Variants in RAB38 observed in about 807,000 individuals in gnomAD.
RAB38 encodes the protein ras-related protein Rab-38.
RAB38 carries 15 observed loss-of-function variants against 18.4 expected under a neutral mutation model. That is an observed-to-expected ratio of 0.82 (90% CI 0.55 to 1.26). The LOEUF is 1.26. RAB38 is among the 50% of genes most tolerant of loss of function. The pLI, the probability that RAB38 is intolerant of heterozygous loss-of-function variation, is 0.00. For missense variants in RAB38, 294 were observed against 267.4 expected (o/e 1.10, Z -0.69); for synonymous variants, 101 against 104.4 (o/e 0.97, Z 0.20).
chr11:87,825,922 A>C, the RAB38 span, among the ~76,000 whole-genome samples: 1 of 152,188 alleles, frequency 6.6e-6, no homozygotes, highest in Admixed American at 6.5e-5. Flanking sequence ...TACATAGTTT[A>C]GCTATAAATT....
At chr11:88,077,459 A>G in the RAB38 span, among the ~76,000 whole-genome samples, 4,479 of 152,242 alleles carry the variant, frequency 0.029, 156 homozygotes, top group East Asian at 0.1. Context: ...GCAGACACCT[A>G]GATAAATAGA....
chr11:88,138,936 C>G (rs910145338), intron 2 of RAB38, among the ~76,000 whole-genome samples: 2 of 152,012 alleles, frequency 1.3e-5, no homozygotes, highest in African/African-American at 4.8e-5. Flanking sequence ...GCGCCCGCCA[C>G]CACGCCTGGC....
At chr11:87,836,631 G>T in the RAB38 span, among the ~76,000 whole-genome samples, 2 of 152,064 alleles carry the variant, frequency 1.3e-5, no homozygotes, top group African/African-American at 2.4e-5. Context: ...TCTTCTATGT[G>T]CAGGTTGGTT....
chr11:87,927,515 A>G, the RAB38 span, among the ~76,000 whole-genome samples: 1 of 151,964 alleles, frequency 6.6e-6, no homozygotes, highest in East Asian at 1.9e-4. Context: ...TCTCTTAACC[A>G]TACTGTATAC....
chr11:88,052,929 T>C, the RAB38 span, among the ~76,000 whole-genome samples: 80 of 57,986 alleles, frequency 1.4e-3, 8 homozygotes, highest in Non-Finnish European at 4.3e-4. Flanking sequence ...TATATATATA[T>C]ATATATATAT....
the RAB38 span, among the ~76,000 whole-genome samples, chr11:88,042,944 G>A: frequency 6.6e-6 from 1 of 152,136 alleles, no homozygotes; most frequent in Non-Finnish European, 1.5e-5. Context: ...CAATAGCTAA[G>A]TTAAGGGTAG....
chr11:87,969,611 C>T, the RAB38 span, among the ~76,000 whole-genome samples: 6 of 152,112 alleles, frequency 3.9e-5, no homozygotes, highest in East Asian at 3.9e-4. Flanking sequence ...AATAATGCAA[C>T]GTGAAGATCA....
the RAB38 span, among the ~76,000 whole-genome samples, chr11:88,076,261 GA>G: frequency 6.6e-6 from 1 of 151,826 alleles, no homozygotes; most frequent in African/African-American, 2.4e-5. Flanking sequence ...AACAGGCATA[GA>G]AAAAAACATA....
the RAB38 span, among the ~76,000 whole-genome samples, chr11:88,046,885 G>T: frequency 6.6e-6 from 1 of 152,056 alleles, no homozygotes; most frequent in Non-Finnish European, 1.5e-5. Context: ...CCTCACCCTA[G>T]CTCTCCCTGA....
the RAB38 span, among the ~76,000 whole-genome samples, chr11:88,043,550 T>A: frequency 6.6e-6 from 1 of 151,964 alleles, no homozygotes; most frequent in South Asian, 2.1e-4. Flanking sequence ...CTTGTGAAAT[T>A]CCTTTGCCTG....
At chr11:88,102,081 G>C in the RAB38 span, among the ~76,000 whole-genome samples, 1 of 151,890 alleles carries the variant, frequency 6.6e-6, no homozygotes, top group Non-Finnish European at 1.5e-5. Flanking sequence ...ATAAGCATCT[G>C]ATATTGCTAT....
the RAB38 span, among the ~76,000 whole-genome samples, chr11:88,055,689 G>C: frequency 6.6e-6 from 1 of 152,142 alleles, no homozygotes; most frequent in Admixed American, 6.5e-5. Flanking sequence ...TTTTCAAGCT[G>C]GGAAAACTTG....
At chr11:87,973,726 A>G in the RAB38 span, among the ~76,000 whole-genome samples, 1 of 143,308 alleles carries the variant, frequency 7.0e-6, no homozygotes, top group African/African-American at 2.5e-5. Context: ...TGAATCCCAA[A>G]AGAGAGAAGC....
At chr11:87,857,380 G>C in the RAB38 span, among the ~76,000 whole-genome samples, 1 of 152,162 alleles carries the variant, frequency 6.6e-6, no homozygotes, top group Non-Finnish European at 1.5e-5. Context: ...TATATACCCA[G>C]TAATGGGATG....
At chr11:87,814,810 C>T in the RAB38 span, among the ~76,000 whole-genome samples, 36,653 of 151,120 alleles carry the variant, frequency 0.24, 5,216 homozygotes, top group African/African-American at 0.38. Flanking sequence ...CTCGGCTCAC[C>T]GCAAGCTCTG....
rs138270030 is a variant in RAB38, at chr11:88,143,432, T to C, written c.483+6243A>G. 1.0e-3 allele frequency among the ~76,000 whole-genome samples: 155 copies of C among 152,348 alleles called. 1 individual carries two copies. Among genetic ancestry groups the C allele is most frequent in the African/African-American group, 3.5e-3 (147 of 41,594 alleles). On this transcript the variant is annotated intron_variant, in intron 2 of 2. Transcript: ENST00000243662. The stretch of plus-strand genomic sequence containing the variant: ...TGTAGTTGTAACATAAAAACAGCCA[T>C]TGATAACATGTAAACCAATGAGCAC...
At chr11:88,151,068 A>C (rs1943058340) in intron 1 of RAB38, among the ~76,000 whole-genome samples, 1 of 152,200 alleles carries the variant, frequency 6.6e-6, no homozygotes, top group Non-Finnish European at 1.5e-5. Context: ...GATTGGTTTC[A>C]GAATTAGAAT....
the RAB38 span, among the ~76,000 whole-genome samples, chr11:88,080,314 A>T: frequency 6.6e-6 from 1 of 151,954 alleles, no homozygotes; most frequent in Non-Finnish European, 1.5e-5. Flanking sequence ...AAGTAAAGAT[A>T]AATCCAATAA....
At chr11:87,815,890 T>C in the RAB38 span, 1 of 152,452 alleles carries the variant, frequency 6.6e-6, no homozygotes, top group Admixed American at 6.5e-5. Flanking sequence ...AGATGAAGAA[T>C]ATTGAAGCAC....
Sources: gnomAD v4.1 joint callset for allele counts (sites outside exome capture counted in the v4.1 genomes callset) on GRCh38, gnomAD v4.1.1 for gene constraint, MANE v1.5 for transcripts, NCBI Gene and HGNC (gene_info 2026-07-23, HGNC 2026-07-21) for gene names.